DLG2: variants seen among roughly 807,000 people sequenced by gnomAD.
The protein encoded by DLG2 is disks large homolog 2.
In DLG2, 45 loss-of-function variants were observed where a neutral mutation model predicts 132.5. That is an observed-to-expected ratio of 0.34 (90% CI 0.27 to 0.44). The LOEUF (loss-of-function observed/expected upper bound fraction) is 0.44. Among genes scored for constraint, DLG2 ranks in the 20% least tolerant of loss-of-function variants. The pLI, the probability that DLG2 is intolerant of heterozygous loss-of-function variation, is 1.00. For missense variants in DLG2, 1,045 were observed against 1,196.9 expected (o/e 0.87, Z 1.87); for synonymous variants, 424 against 419.6 (o/e 1.01, Z -0.13).
At chr11:84,522,998 T>C (rs1224160087) in intron 7 of DLG2, among the ~76,000 whole-genome samples, 2 of 152,218 alleles carry the variant, frequency 1.3e-5, no homozygotes, top group Admixed American at 6.5e-5. Context: ...TGACATTCAC[T>C]TTTGCAGAAG....
chr11:85,019,865 C>T (rs1592779015), intron 6 of DLG2, among the ~76,000 whole-genome samples: 1 of 152,282 alleles, frequency 6.6e-6, no homozygotes, highest in Admixed American at 6.5e-5. Flanking sequence ...TCCAGTCTCT[C>T]ATTGATGGAC....
chr11:83,682,036 G>T, intron 18 of DLG2: 1 of 656,640 alleles, frequency 1.5e-6, no homozygotes, highest in Non-Finnish European at 1.9e-6. Flanking sequence ...AGGAAATTGT[G>T]GAATTTGTCA....
intron 16 of DLG2, among the ~76,000 whole-genome samples, chr11:83,851,258 A>T (rs2154029869): frequency 6.6e-6 from 1 of 152,138 alleles, no homozygotes; most frequent in Non-Finnish European, 1.5e-5. Context: ...ATTGTGGCAG[A>T]TGTTAGATGT....
In DLG2 at chr11:83,456,780, G is replaced by C. The variant is rs1443176321; in HGVS notation, c.*3038C>G. On this transcript the variant is annotated 3_prime_UTR_variant, in exon 28 of 28. Coordinates refer to ENST00000376104, the MANE Select transcript of DLG2 (RefSeq NM_001142699.3). ...TCTTTCCTGGCTCGGAGTCCTGAAG[G>C]GCCGGCAGTAGGATCTAAGACAGCG... 6.6e-6 allele frequency: 1 copy of C among 152,186 alleles called. No individual in the cohort carries two copies. The highest frequency in any genetic ancestry group is 1.5e-5 in the Non-Finnish European group (1 of 68,068). The allele number at this position is 152,186 out of a possible 1,614,324, so 9.4% of individuals were successfully genotyped here. A position where few individuals can be genotyped will look rare whatever the true frequency, so the allele number is the denominator to read the frequency against.
chr11:85,092,563 A>C (rs972562408), intron 6 of DLG2, among the ~76,000 whole-genome samples: 1 of 152,068 alleles, frequency 6.6e-6, no homozygotes, highest in Non-Finnish European at 1.5e-5. Context: ...AAACATGAAC[A>C]CTTAGGGATA....
intron 14 of DLG2, among the ~76,000 whole-genome samples, chr11:83,956,184 G>A (rs565765432): frequency 4.6e-5 from 7 of 151,990 alleles, no homozygotes; most frequent in African/African-American, 1.4e-4. Flanking sequence ...CAAATTATCC[G>A]CCTTCACTAT....
intron 5 of DLG2, among the ~76,000 whole-genome samples, chr11:85,146,229 T>TCC (rs1274890748): frequency 1.1e-5 from 1 of 93,300 alleles, no homozygotes; most frequent in Non-Finnish European, 2.1e-5. Flanking sequence ...TGTTTCTCCC[T>TCC]CTCTCTCTCT....
intron 3 of DLG2, among the ~76,000 whole-genome samples, chr11:85,322,949 T>G (rs1162964778): frequency 6.6e-6 from 1 of 152,232 alleles, no homozygotes; most frequent in East Asian, 1.9e-4. Context: ...CTTTTAAAAT[T>G]ATAAGTCTGA....
chr11:85,246,423 C>T (rs1204956069), intron 4 of DLG2, among the ~76,000 whole-genome samples: 1 of 151,846 alleles, frequency 6.6e-6, no homozygotes, highest in African/African-American at 2.4e-5. Flanking sequence ...AACTATTTGT[C>T]TATCAACAAA....
At chr11:84,103,518 G>T (rs533290397) in intron 9 of DLG2, among the ~76,000 whole-genome samples, 1 of 152,172 alleles carries the variant, frequency 6.6e-6, no homozygotes, top group African/African-American at 2.4e-5. Context: ...ACCCTGTAAA[G>T]GATTCTGGGT....
intron 15 of DLG2, among the ~76,000 whole-genome samples, chr11:83,911,417 A>G (rs1047785634): frequency 4.6e-5 from 7 of 151,574 alleles, no homozygotes; most frequent in African/African-American, 1.7e-4. Context: ...ATAATTTTCT[A>G]CTCCTCATGT....
chr11:84,395,197 C>T (rs760491061), intron 7 of DLG2, among the ~76,000 whole-genome samples: 5 of 150,776 alleles, frequency 3.3e-5, no homozygotes, highest in Admixed American at 1.3e-4. Context: ...GTCAGCTGGG[C>T]GGTTTTTACA....
At chr11:84,571,110 A>G (rs1324511659) in intron 6 of DLG2, among the ~76,000 whole-genome samples, 1 of 152,164 alleles carries the variant, frequency 6.6e-6, no homozygotes, top group Non-Finnish European at 1.5e-5. Flanking sequence ...AAGGGAGTAA[A>G]TAAAAAGAAA....
At chr11:84,646,246 G>T (rs1454971614) in intron 6 of DLG2, among the ~76,000 whole-genome samples, 1 of 152,110 alleles carries the variant, frequency 6.6e-6, no homozygotes, top group Non-Finnish European at 1.5e-5. Flanking sequence ...TAAAAAACAG[G>T]TTATTTAAAT....
Position 83,569,944 on chromosome 11 carries a change from T to G in DLG2, c.1941-28086A>C, listed in dbSNP as rs546528288. On this transcript the variant is annotated intron_variant, in intron 19 of 27. Coordinates refer to ENST00000376104, the MANE Select transcript of DLG2 (RefSeq NM_001142699.3). ...ATGGGACTAGCTTCATGAGGACATGTTGAATGAGAGTCAGACTTTCCATCA... is the reference window on the plus strand; with the variant it reads ...ATGGGACTAGCTTCATGAGGACATGGTGAATGAGAGTCAGACTTTCCATCA... Among the ~76,000 whole-genome samples the G allele has an allele frequency of 3.5e-4, 53 of 152,314 alleles. 1 individual carries two copies. Among genetic ancestry groups the G allele is most frequent in the Middle Eastern group, 3.4e-3 (1 of 294 alleles).
intron 11 of DLG2, among the ~76,000 whole-genome samples, chr11:83,999,603 G>A (rs1330371024): frequency 6.6e-6 from 1 of 151,852 alleles, no homozygotes; most frequent in Admixed American, 6.6e-5. Context: ...CAGTATACTG[G>A]GGCTCAAGAA....
At chr11:83,793,713 ATACCTACC>A (rs767158980) in intron 17 of DLG2, among the ~76,000 whole-genome samples, 3 of 152,158 alleles carry the variant, frequency 2.0e-5, no homozygotes, top group African/African-American at 4.8e-5. Context: ...TAAAATGAGT[ATACCTACC>A]TACCTACCTA....
chr11:84,929,356 T>C (rs1349419977), intron 6 of DLG2, among the ~76,000 whole-genome samples: 1 of 151,974 alleles, frequency 6.6e-6, no homozygotes. Context: ...CATGATAATA[T>C]AACCTACTTT....
intron 11 of DLG2, among the ~76,000 whole-genome samples, chr11:84,007,465 C>T (rs2094626351): frequency 6.6e-6 from 1 of 151,698 alleles, no homozygotes; most frequent in East Asian, 1.9e-4. Flanking sequence ...ACAATCTATC[C>T]TATCTTGCAT....
Sources: allele counts gnomAD v4.1 joint callset (sites outside exome capture counted in the v4.1 genomes callset), GRCh38; gene constraint gnomAD v4.1.1; transcripts MANE v1.5; gene names NCBI Gene and HGNC (gene_info 2026-07-23, HGNC 2026-07-21).